Variants in ARHGEF4 observed in about 807,000 individuals in gnomAD.
The protein encoded by ARHGEF4 is APC-stimulated guanine nucleotide exchange factor 1.
Under a neutral mutation model 162.0 loss-of-function variants are expected in ARHGEF4, and 119 were observed. That is an observed-to-expected ratio of 0.73 (90% CI 0.63 to 0.86). The LOEUF (loss-of-function observed/expected upper bound fraction) is 0.86, where lower values mean the gene tolerates loss of function less well. Among genes scored for constraint, ARHGEF4 ranks in the 40% least tolerant of loss-of-function variants. The probability of loss-of-function intolerance (pLI) is 0.00; values close to 1 mark genes in which losing one functional copy is unlikely to be tolerated. For missense variants in ARHGEF4, 2,488 were observed against 2,456.0 expected, an observed-to-expected ratio of 1.01 and a Z score of -0.28; for synonymous variants, 1,014 against 979.9, an observed-to-expected ratio of 1.03 and a Z score of -0.65.
At chr2:130,978,483 CAT>C (rs1685900288) in intron 4 of ARHGEF4, among the ~76,000 whole-genome samples, 1 of 152,120 alleles carries the variant, frequency 6.6e-6, no homozygotes, top group African/African-American at 2.4e-5. Flanking sequence ...AATCACTGTC[CAT>C]ATAGATTCCC....
chr2:131,029,890 C>A (rs2105372885), intron 5 of ARHGEF4, among the ~76,000 whole-genome samples: 1 of 152,244 alleles, frequency 6.6e-6, no homozygotes, highest in East Asian at 1.9e-4. Flanking sequence ...GCTGCCTCCT[C>A]CATCTTGGGG....
intron 1 of ARHGEF4, among the ~76,000 whole-genome samples, chr2:130,884,906 C>T (rs72855934): frequency 0.021 from 3,173 of 152,212 alleles, 93 homozygotes; most frequent in East Asian, 0.12. Context: ...CTCGGCCTCT[C>T]TAGGCCCCTC....
At chr2:130,901,924 C>G (rs1469308860) in intron 1 of ARHGEF4, among the ~76,000 whole-genome samples, 1 of 152,132 alleles carries the variant, frequency 6.6e-6, no homozygotes, top group Non-Finnish European at 1.5e-5. Context: ...ACAAGGACAG[C>G]CCTTATGCCT....
intron 4 of ARHGEF4, among the ~76,000 whole-genome samples, chr2:131,017,526 A>G (rs770192012): frequency 2.6e-5 from 4 of 152,214 alleles, no homozygotes; most frequent in Non-Finnish European, 5.9e-5. Flanking sequence ...TAGATGAACA[A>G]TCATTTTGTG....
chr2:130,926,018 T>C (rs895142841), intron 2 of ARHGEF4, among the ~76,000 whole-genome samples: 15 of 96,976 alleles, frequency 1.5e-4, no homozygotes, highest in African/African-American at 8.7e-4. Context: ...TTTTCTCTCT[T>C]TCTTTCTTTC....
chr2:130,913,064 G>C (rs111573436), intron 1 of ARHGEF4, among the ~76,000 whole-genome samples: 1 of 151,890 alleles, frequency 6.6e-6, no homozygotes, highest in African/African-American at 2.4e-5. Context: ...GTTCGGTACT[G>C]GGGGGGAGTG....
chr2:130,930,401 A>T (rs1186991744), intron 2 of ARHGEF4, among the ~76,000 whole-genome samples: 3 of 152,160 alleles, frequency 2.0e-5, no homozygotes, highest in Non-Finnish European at 1.5e-5. Context: ...CACAGGCCTA[A>T]CTATTCTGCT....
At position 130,895,004 on chromosome 2, in the gene ARHGEF4, CAT is replaced by C. The variant is rs1680075493; in HGVS notation, c.40-18981_40-18980del. Among the ~76,000 whole-genome samples, 3 of 152,292 alleles carry C rather than the reference CAT, an allele frequency of 2.0e-5. No individual in the cohort carries two copies. In the South Asian group the frequency reaches 6.2e-4, roughly 32 times the overall value. On this transcript the variant is annotated intron_variant, in intron 1 of 13. Coordinates refer to ENST00000409359, the MANE Select transcript of ARHGEF4 (RefSeq NM_001367493.1). ...ACTGAACAGTTTGATGAGTTTGACACATGTTCACAATTGCATAACTATCCCCA... is the reference window on the plus strand; with the variant it reads ...ACTGAACAGTTTGATGAGTTTGACACGTTCACAATTGCATAACTATCCCCA...
At chr2:130,971,493 A>G (rs1398682353) in intron 4 of ARHGEF4, among the ~76,000 whole-genome samples, 2 of 152,082 alleles carry the variant, frequency 1.3e-5, no homozygotes, top group Non-Finnish European at 2.9e-5. Context: ...CCCCGTCTCT[A>G]CTAAAAATAC....
intron 1 of ARHGEF4, among the ~76,000 whole-genome samples, chr2:130,903,247 C>CTTTTTTTTTTTTTTTTTTT (rs59665239): frequency 7.0e-6 from 1 of 143,740 alleles, no homozygotes. Context: ...TTTATCTTGA[C>CTTTTTTTTTTTTTTTTTTT]TTTTTTTTTT....
chr2:130,898,383 C>G (rs1574185610), intron 1 of ARHGEF4, among the ~76,000 whole-genome samples: 1 of 152,208 alleles, frequency 6.6e-6, no homozygotes, highest in Non-Finnish European at 1.5e-5. Flanking sequence ...TGTCGCTTCT[C>G]CAGGTCAGTG....
At chr2:130,872,764 G>T (rs371924545) in intron 1 of ARHGEF4, among the ~76,000 whole-genome samples, 1 of 152,184 alleles carries the variant, frequency 6.6e-6, no homozygotes, top group South Asian at 2.1e-4. Context: ...GAGAAGAATG[G>T]GCCAGGACAC....
chr2:130,896,543 G>A (rs1680170427), intron 1 of ARHGEF4, among the ~76,000 whole-genome samples: 1 of 152,228 alleles, frequency 6.6e-6, no homozygotes, highest in Non-Finnish European at 1.5e-5. Flanking sequence ...AATATGAGAT[G>A]AGAATGGCTA....
At chr2:130,992,427 G>C (rs1288507576) in intron 4 of ARHGEF4, among the ~76,000 whole-genome samples, 1 of 152,130 alleles carries the variant, frequency 6.6e-6, no homozygotes, top group African/African-American at 2.4e-5. Flanking sequence ...CCTGAAGCCA[G>C]CGAGACCACG....
chr2:130,973,414 G>A lies in ARHGEF4; in HGVS notation c.3985+26779G>A, dbSNP rs188937768. Among the ~76,000 whole-genome samples, 511 of 152,292 alleles carry A rather than the reference G, an allele frequency of 3.4e-3. 3 individuals are homozygous for A. The highest frequency in any genetic ancestry group is 0.01 in the Middle Eastern group (3 of 294). ...TGAAGCAGGAGGATTACTTGAACCT[G>A]GGAGGTGGAGGCTACAGTGAGCCAA... On this transcript the variant is annotated intron_variant, in intron 4 of 13. Transcript: ENST00000409359.
Position 130,869,116 on chromosome 2 carries a change from A to G in ARHGEF4, c.39+32124A>G, listed in dbSNP as rs76090840. On this transcript the variant is annotated intron_variant, in intron 1 of 13. Coordinates refer to ENST00000409359, the MANE Select transcript of ARHGEF4 (RefSeq NM_001367493.1). ...CTTGGGGGTCCCTACTCAGCCTACC[A>G]AGAGGGCATTTCACAGATTTTGATT... Among the ~76,000 whole-genome samples the G allele has an allele frequency of 7.3e-3, 1,114 of 152,312 alleles. 7 individuals are homozygous for G. The highest frequency in any genetic ancestry group is 0.013 in the Non-Finnish European group (903 of 68,010).
intron 5 of ARHGEF4, among the ~76,000 whole-genome samples, chr2:131,037,394 A>G (rs1045880026): frequency 6.6e-6 from 1 of 151,984 alleles, no homozygotes; most frequent in African/African-American, 2.4e-5. Context: ...GCTGGAACAC[A>G]GGACTGGCCC....
At chr2:131,001,236 G>C (rs923046532) in intron 4 of ARHGEF4, among the ~76,000 whole-genome samples, 4 of 140,312 alleles carry the variant, frequency 2.9e-5, no homozygotes, top group Non-Finnish European at 6.0e-5. Flanking sequence ...CTAGGAGGCG[G>C]AAGTTGCAGT....
chr2:130,987,106 G>A (rs1388366543), intron 4 of ARHGEF4, among the ~76,000 whole-genome samples: 1 of 152,224 alleles, frequency 6.6e-6, no homozygotes, highest in Non-Finnish European at 1.5e-5. Context: ...GCAGGCAGAG[G>A]CCTGGCCTGC....
Sources: gnomAD v4.1 joint callset for allele counts (sites outside exome capture counted in the v4.1 genomes callset) on GRCh38, gnomAD v4.1.1 for gene constraint, MANE v1.5 for transcripts, NCBI Gene and HGNC (gene_info 2026-07-23, HGNC 2026-07-21) for gene names.